The following WDFY3 variants were observed in gnomAD, a reference collection of about 807,000 sequenced individuals.
The protein encoded by WDFY3 is WD repeat and FYVE domain containing 3, also known as WD repeat and FYVE domain-containing protein 3.
In WDFY3, 66 loss-of-function variants were observed where a neutral mutation model predicts 409.6. The ratio of observed to expected loss-of-function variants is 0.16; its 90% CI spans 0.13 to 0.20. The LOEUF (loss-of-function observed/expected upper bound fraction) is 0.20. Ranked by LOEUF, WDFY3 falls within the 10% of genes least tolerant of loss-of-function variation. The pLI, the probability that WDFY3 is intolerant of heterozygous loss-of-function variation, is 1.00. For synonymous variants in WDFY3, 1,521 were observed against 1,537.1 expected (o/e 0.99, Z 0.25); for missense variants, 3,031 against 4,298.1 (o/e 0.71, Z 8.24).
At chr4:84,759,812 T>A (rs1352275609) in intron 32 of WDFY3, among the ~76,000 whole-genome samples, 35 of 151,868 alleles carry the variant, frequency 2.3e-4, no homozygotes. Context: ...TCCTGCCTAA[T>A]TGCCCTGGCC....
At chr4:84,881,653 G>A (rs999269160) in intron 3 of WDFY3, among the ~76,000 whole-genome samples, 2 of 151,688 alleles carry the variant, frequency 1.3e-5, no homozygotes, top group Non-Finnish European at 2.9e-5. Context: ...TTGGGAGGGC[G>A]AGGCAAGCTG....
At position 84,751,619 on chromosome 4, in the gene WDFY3, T is replaced by A. The variant is rs1487513855; in HGVS notation, c.5837A>T (p.Asn1946Ile). ...GMNRSQSEYC[N>I]VGTKTYLTNH... ...GGTCAGATATGTCTTGGTGCCCACATTGCAGTACTCTGATTGGCTCCTGTT... is the reference window on the plus strand; with the variant it reads ...GGTCAGATATGTCTTGGTGCCCACAATGCAGTACTCTGATTGGCTCCTGTT... Residue 1946 changes from asparagine (N) to isoleucine (I), a missense_variant, in exon 36 of 68, where the codon AAT becomes ATT. Physicochemically the swap from Asn to Ile is moderately radical, Grantham distance 149 (BLOSUM62 -3). Transcript: ENST00000295888. 6.2e-7 allele frequency: 1 copy of A among 1,614,192 alleles called. No homozygotes were observed. Among genetic ancestry groups the A allele is most frequent in the Non-Finnish European group, 8.5e-7 (1 of 1,180,030 alleles).
intron 2 of WDFY3, among the ~76,000 whole-genome samples, chr4:84,923,367 A>C (rs1419537110): frequency 6.6e-6 from 1 of 152,204 alleles, no homozygotes; most frequent in Non-Finnish European, 1.5e-5. Context: ...TGCCCACTTG[A>C]CTACCCTAGC....
chr4:84,840,667 T>A (rs903307044), intron 6 of WDFY3, among the ~76,000 whole-genome samples: 3 of 151,892 alleles, frequency 2.0e-5, no homozygotes, highest in Non-Finnish European at 4.4e-5. Flanking sequence ...AGCCTCAACC[T>A]CCCAGGCTCA....
At chr4:84,784,862 A>G (rs1245183521) in intron 24 of WDFY3, among the ~76,000 whole-genome samples, 115 of 59,626 alleles carry the variant, frequency 1.9e-3, no homozygotes, top group South Asian at 8.2e-3. Context: ...GTATATGTAT[A>G]TATATATATA....
chr4:84,814,961 T>C (rs1208397623), intron 13 of WDFY3, among the ~76,000 whole-genome samples: 3 of 152,170 alleles, frequency 2.0e-5, no homozygotes, highest in African/African-American at 4.8e-5. Flanking sequence ...CTTTGAGAAT[T>C]AGTTATCTTT....
intron 1 of WDFY3, among the ~76,000 whole-genome samples, chr4:84,950,892 C>T (rs1773521943): frequency 6.6e-6 from 1 of 152,174 alleles, no homozygotes; most frequent in Non-Finnish European, 1.5e-5. Flanking sequence ...GTCAAATGTA[C>T]TCAGCTTATA....
chr4:84,705,112 G>A (rs1039702791), intron 54 of WDFY3, among the ~76,000 whole-genome samples: 11 of 152,148 alleles, frequency 7.2e-5, no homozygotes, highest in East Asian at 5.8e-4. Flanking sequence ...AGAGACAGAG[G>A]CAGATTATGA....
intron 45 of WDFY3, among the ~76,000 whole-genome samples, chr4:84,726,436 A>C (rs567762748): frequency 1.4e-4 from 22 of 152,296 alleles, no homozygotes; most frequent in African/African-American, 5.1e-4. Context: ...GATTGAAAAA[A>C]ATAATTTTAA....
At chr4:84,729,379 T>A (rs1450685352) in intron 44 of WDFY3, among the ~76,000 whole-genome samples, 2 of 151,900 alleles carry the variant, frequency 1.3e-5, no homozygotes, top group Non-Finnish European at 2.9e-5. Context: ...ATAATTCATT[T>A]GTTTTAATTA....
chr4:84,881,919 T>C (rs1372062321), intron 3 of WDFY3, among the ~76,000 whole-genome samples: 1 of 152,078 alleles, frequency 6.6e-6, no homozygotes, highest in African/African-American at 2.4e-5. Flanking sequence ...ATTATTAAGA[T>C]CTACTTTTCT....
At position 84,923,496 on chromosome 4, in the gene WDFY3, C is replaced by T. The variant is rs1769552964; in HGVS notation, c.-132+8774G>A. 2.0e-5 allele frequency among the ~76,000 whole-genome samples: 3 copies of T among 152,242 alleles called. No individual in the cohort carries two copies. The South Asian group carries it at 6.2e-4, about 32-fold the overall frequency. On this transcript the variant is annotated intron_variant, in intron 2 of 67. Coordinates refer to ENST00000295888, the MANE Select transcript of WDFY3 (RefSeq NM_014991.6). The stretch of plus-strand genomic sequence containing the variant: ...TTCATTTCTTTATAGGGTTCCTATG[C>T]CACATAAAGCTTTTATTAAATAAAT...
rs200158272 is a variant in WDFY3, at chr4:84,726,920, A to G, written c.7222-9T>C. The G allele has an allele frequency of 1.2e-4, 194 of 1,602,088 alleles. No individual in the cohort carries two copies. The highest frequency in any genetic ancestry group is 1.6e-4 in the Non-Finnish European group (185 of 1,176,126). ...TTACTTGGGATCTCAGACTGAAAAC[A>G]GGGTATTAAGTATAGACATATCAGA... On this transcript the variant is annotated splice_polypyrimidine_tract_variant and intron_variant, in intron 44 of 67. Transcript: ENST00000295888.
At chr4:84,750,631 A>G (rs1740365379) in intron 36 of WDFY3, among the ~76,000 whole-genome samples, 1 of 152,218 alleles carries the variant, frequency 6.6e-6, no homozygotes, top group Non-Finnish European at 1.5e-5. Flanking sequence ...AATTGGTCAA[A>G]AGAACATTAA....
intron 3 of WDFY3, among the ~76,000 whole-genome samples, chr4:84,881,189 T>C (rs1047694635): frequency 1.3e-5 from 2 of 152,200 alleles, no homozygotes; most frequent in Non-Finnish European, 2.9e-5. Flanking sequence ...CACATACTTT[T>C]ATTTTAATCC....
chr4:84,945,780 C>T (rs891833621), intron 1 of WDFY3, among the ~76,000 whole-genome samples: 1 of 152,130 alleles, frequency 6.6e-6, no homozygotes, highest in African/African-American at 2.4e-5. Flanking sequence ...CAAAGTTCTG[C>T]TTCTTGTCTC....
chr4:84,679,294 C>T (rs2148752007), intron 64 of WDFY3, 52 bp from the exon 65 acceptor site: 2 of 1,430,152 alleles, frequency 1.4e-6, no homozygotes, highest in Non-Finnish European at 1.8e-6. Context: ...AAAGTTACAC[C>T]CAGCTTTGTT....
chr4:84,837,795 T>C (rs537523220), intron 6 of WDFY3, among the ~76,000 whole-genome samples: 19 of 152,316 alleles, frequency 1.2e-4, no homozygotes, highest in African/African-American at 4.6e-4. Flanking sequence ...AACAGACTGG[T>C]ATAATCTGTT....
At chr4:84,741,613 C>T (rs1738441454) in intron 38 of WDFY3, 148 bp downstream of exon 38, 14 of 952,770 alleles carry the variant, frequency 1.5e-5, no homozygotes, top group South Asian at 2.3e-5. Flanking sequence ...CTGCGCCCAG[C>T]CTGTCTCTAT....
Sources: allele counts gnomAD v4.1 joint callset (sites outside exome capture counted in the v4.1 genomes callset), GRCh38; gene constraint gnomAD v4.1.1; transcripts MANE v1.5; gene names NCBI Gene and HGNC (gene_info 2026-07-23, HGNC 2026-07-21).